The following PNLIPRP3 variants were observed in gnomAD, a reference collection of about 807,000 sequenced individuals.
PNLIPRP3 encodes pancreatic lipase related protein 3.
In PNLIPRP3, 58 loss-of-function variants were observed where a neutral mutation model predicts 52.8. The ratio of observed to expected loss-of-function variants is 1.10; its 90% CI spans 0.89 to 1.37. The LOEUF is 1.37. Ranked by LOEUF, PNLIPRP3 falls within the 40% of genes most tolerant of loss-of-function variation. PNLIPRP3 has a pLI of 0.00. For missense variants in PNLIPRP3, 593 were observed against 561.6 expected, an observed-to-expected ratio of 1.06 and a Z score of -0.57; for synonymous variants, 192 against 185.0, an observed-to-expected ratio of 1.04 and a Z score of -0.31.
intron 8 of PNLIPRP3, 145 bp from the exon 9 acceptor site, chr10:116,469,040 C>A: frequency 1.3e-6 from 1 of 750,542 alleles, no homozygotes; most frequent in Non-Finnish European, 1.9e-6. Context: ...TGAAAACAGA[C>A]ATGGTGGCCT....
chr10:116,460,986 T>C lies in PNLIPRP3; in HGVS notation c.586T>C (p.Phe196Leu). ...TCTAGGGTTGGACCCAGCTGGGCCA[T>C]TTTTCCACAACACTCCAAAGGAAGT... The part of the protein sequence containing the change: ...RITGLDPAGP[F>L]FHNTPKEVRL... Residue 196 changes from phenylalanine to leucine, a missense_variant, in exon 6 of 12, where the codon TTT becomes CTT. Physicochemically the swap from Phe to Leu is conservative, Grantham distance 22. Transcript: ENST00000369230. 1 of 1,613,960 alleles carries C rather than the reference T, an allele frequency of 6.2e-7. No individual in the cohort carries two copies. Among genetic ancestry groups the C allele is most frequent in the Non-Finnish European group, 8.5e-7 (1 of 1,179,890 alleles).
rs763375029 is a variant in PNLIPRP3 at position 116,477,095 on chromosome 10, C to T, written c.1346C>T (p.Thr449Ile). The T allele has an allele frequency of 1.9e-6, 3 of 1,588,738 alleles. No individual in the cohort carries two copies. Among genetic ancestry groups the T allele is most frequent in the Non-Finnish European group, 1.7e-6 (2 of 1,164,140 alleles). Residue 449 changes from threonine to isoleucine, a missense_variant, in exon 12 of 12, where the codon ACC becomes ATC. Physicochemically the swap from Thr to Ile is moderately conservative, Grantham distance 89. Coordinates refer to ENST00000369230, the MANE Select transcript of PNLIPRP3 (RefSeq NM_001011709.3). Reference sequence around the variant, plus strand: ...TTTTCCTTAAAAACTTTCAGATCTACCTTCTGTAGCCAAGACATTATGGGA... The same window carrying T: ...TTTTCCTTAAAAACTTTCAGATCTATCTTCTGTAGCCAAGACATTATGGGA... Reference protein sequence around the residue: ...NTSGKYGYKSTFCSQDIMGPN... With the variant: ...NTSGKYGYKSIFCSQDIMGPN...
intron 4 of PNLIPRP3, among the ~76,000 whole-genome samples, chr10:116,453,964 T>C (rs918390164): frequency 1.3e-5 from 2 of 151,794 alleles, no homozygotes; most frequent in Non-Finnish European, 2.9e-5. Flanking sequence ...GGCCGCACGA[T>C]GTGTTGTTCC....
intron 1 of PNLIPRP3, among the ~76,000 whole-genome samples, 191 bp from the exon 2 acceptor site, chr10:116,436,520 T>G (rs1324920295): frequency 6.6e-6 from 1 of 152,138 alleles, no homozygotes; most frequent in East Asian, 1.9e-4. Flanking sequence ...ACAAAAAAGC[T>G]TCTGCACAGT....
At chr10:116,474,631 C>T (rs566253187) in intron 10 of PNLIPRP3, among the ~76,000 whole-genome samples, 12 of 152,028 alleles carry the variant, frequency 7.9e-5, no homozygotes, top group South Asian at 2.1e-4. Flanking sequence ...CATTACCAAG[C>T]GGGCAAAGGA....
At chr10:116,444,853 A>ATCC (rs1389143106) in intron 4 of PNLIPRP3, among the ~76,000 whole-genome samples, 1 of 152,158 alleles carries the variant, frequency 6.6e-6, no homozygotes, top group East Asian at 1.9e-4. Context: ...CCATCCTTCA[A>ATCC]ATATTATTTG....
In PNLIPRP3 at chr10:116,441,901, T is replaced by C. The variant is rs530668909; in HGVS notation, c.205-1154T>C. On this transcript the variant is annotated intron_variant, in intron 2 of 11. Transcript: ENST00000369230. ...TGCCTGGCAAATAGACAGATAGGAG[T>C]GTTAGCTATTATAATTACTGAGCAA... Among the ~76,000 whole-genome samples, 200 of 152,218 alleles carry C rather than the reference T, an allele frequency of 1.3e-3. 1 individual carries two copies. The highest frequency in any genetic ancestry group is 4.7e-3 in the African/African-American group (197 of 41,526).
At chr10:116,454,733 G>C (rs1449221704) in intron 4 of PNLIPRP3, among the ~76,000 whole-genome samples, 1 of 152,212 alleles carries the variant, frequency 6.6e-6, no homozygotes, top group Non-Finnish European at 1.5e-5. Context: ...ACAAATGACA[G>C]AATTTCCTTT....
intron 2 of PNLIPRP3, among the ~76,000 whole-genome samples, chr10:116,438,014 T>C (rs533026731): frequency 2.0e-5 from 3 of 152,266 alleles, no homozygotes; most frequent in African/African-American, 7.2e-5. Context: ...AAAATCAACA[T>C]GATAGACATC....
At chr10:116,477,050 C>A in intron 11 of PNLIPRP3, 40 bp from the exon 12 acceptor site, 2 of 1,482,210 alleles carry the variant, frequency 1.3e-6, no homozygotes, top group Non-Finnish European at 1.9e-6. Context: ...TCCCTGGCAT[C>A]AGGTTAAAAT....
intron 4 of PNLIPRP3, among the ~76,000 whole-genome samples, chr10:116,451,452 T>C (rs560494453): frequency 1.2e-4 from 18 of 152,270 alleles, no homozygotes; most frequent in Admixed American, 3.9e-4. Context: ...TTTGGATGCG[T>C]GTCCCCTCCA....
At chr10:116,428,142 C>A in intron 1 of PNLIPRP3, 81 bp downstream of exon 1, 1 of 1,026,516 alleles carries the variant, frequency 9.7e-7, no homozygotes, top group Non-Finnish European at 1.4e-6. Flanking sequence ...TGAACTTATT[C>A]TTTAGAAATT....
intron 7 of PNLIPRP3, among the ~76,000 whole-genome samples, chr10:116,462,556 G>A (rs1161030559): frequency 6.6e-6 from 1 of 152,028 alleles, no homozygotes; most frequent in Admixed American, 6.6e-5. Flanking sequence ...GTGATCAGAA[G>A]TATATATTTG....
At chr10:116,459,763 G>A (rs1037008879) in intron 5 of PNLIPRP3, among the ~76,000 whole-genome samples, 11 of 152,018 alleles carry the variant, frequency 7.2e-5, no homozygotes, top group Non-Finnish European at 1.0e-4. Context: ...CTCTACTAGT[G>A]TTTCTTTTCT....
At chr10:116,475,137 C>G (rs1846439137) in intron 10 of PNLIPRP3, among the ~76,000 whole-genome samples, 1 of 152,136 alleles carries the variant, frequency 6.6e-6, no homozygotes, top group South Asian at 2.1e-4. Context: ...TTTGCAGGAA[C>G]ATGGATGGAG....
chr10:116,460,625 TTTAA>T (rs1409946285), intron 5 of PNLIPRP3, among the ~76,000 whole-genome samples: 1 of 152,242 alleles, frequency 6.6e-6, no homozygotes, highest in Non-Finnish European at 1.5e-5. Flanking sequence ...TTTAATTTAA[TTTAA>T]TTTTTTGCCT....
chr10:116,463,255 G>C (rs1846226043), intron 7 of PNLIPRP3, among the ~76,000 whole-genome samples: 1 of 152,126 alleles, frequency 6.6e-6, no homozygotes, highest in Admixed American at 6.5e-5. Context: ...CAGAATTCAG[G>C]CAGAGTTCTC....
Position 116,477,205 on chromosome 10 carries a change from G to C in PNLIPRP3, c.*52G>C, listed in dbSNP as rs774807261. 5 of 1,462,140 alleles carry C rather than the reference G, an allele frequency of 3.4e-6. No homozygotes were observed. Among genetic ancestry groups the C allele is most frequent in the Non-Finnish European group, 4.7e-6 (5 of 1,061,380 alleles). 90.6% of individuals were successfully genotyped at this position (1,462,140 alleles called of 1,614,324 possible). A position where few individuals can be genotyped will look rare whatever the true frequency, so the allele number is the denominator to read the frequency against. Reference sequence around the variant, plus strand: ...TTTAGTAGGAGCAATGAAGAAAAGTGTCTCCTTCCACCTGGCATCCAGACC... The same window carrying C: ...TTTAGTAGGAGCAATGAAGAAAAGTCTCTCCTTCCACCTGGCATCCAGACC... On this transcript the variant is annotated 3_prime_UTR_variant, in exon 12 of 12. Coordinates refer to ENST00000369230, the MANE Select transcript of PNLIPRP3 (RefSeq NM_001011709.3).
intron 9 of PNLIPRP3, among the ~76,000 whole-genome samples, chr10:116,471,335 A>T (rs1589991775): frequency 6.6e-6 from 1 of 152,182 alleles, no homozygotes; most frequent in Non-Finnish European, 1.5e-5. Flanking sequence ...TTATAAAAGC[A>T]TACATCTTCT....
Sources: gnomAD v4.1 joint callset for allele counts (sites outside exome capture counted in the v4.1 genomes callset) on GRCh38, gnomAD v4.1.1 for gene constraint, MANE v1.5 for transcripts, NCBI Gene and HGNC (gene_info 2026-07-23, HGNC 2026-07-21) for gene names.